RNF180: variants seen among roughly 807,000 people sequenced by gnomAD.
RNF180 encodes the protein E3 ubiquitin-protein ligase RNF180.
Under a neutral mutation model 59.2 loss-of-function variants are expected in RNF180, and 38 were observed. The observed-to-expected ratio is 0.64, with a 90% CI of 0.50 to 0.84. RNF180 has a LOEUF of 0.84. RNF180 is among the 40% of genes least tolerant of loss of function. RNF180 has a pLI of 0.00. For synonymous variants in RNF180, 262 were observed against 240.3 expected, an observed-to-expected ratio of 1.09 and a Z score of -0.84; for missense variants, 705 against 700.9, an observed-to-expected ratio of 1.01 and a Z score of -0.07.
At chr5:64,310,401 G>A (rs754850466) in intron 5 of RNF180, among the ~76,000 whole-genome samples, 5 of 151,124 alleles carry the variant, frequency 3.3e-5, no homozygotes, top group Non-Finnish European at 4.4e-5. Context: ...TTTACCAAAT[G>A]TTTTGTCATT....
chr5:64,275,098 C>T (rs1164087399), intron 5 of RNF180, among the ~76,000 whole-genome samples: 1 of 151,570 alleles, frequency 6.6e-6, no homozygotes, highest in East Asian at 2.0e-4. Context: ...TCTTTTGACA[C>T]AACAATGACA....
chr5:64,352,314 T>C (rs1445170709), intron 7 of RNF180, among the ~76,000 whole-genome samples: 1 of 152,120 alleles, frequency 6.6e-6, no homozygotes, highest in African/African-American at 2.4e-5. Flanking sequence ...TTAGTCTTGC[T>C]AGCAGTCTAT....
intron 5 of RNF180, among the ~76,000 whole-genome samples, chr5:64,269,323 GAA>G (rs949237168): frequency 6.6e-6 from 1 of 152,026 alleles, no homozygotes; most frequent in Non-Finnish European, 1.5e-5. Context: ...CTGCAGCCTC[GAA>G]CTCCTGGGCC....
At position 64,174,959 on chromosome 5, in the gene RNF180, C is replaced by CTTTTTTTTTTTT. The variant is rs370660214; in HGVS notation, c.-1+9021_-1+9032dup. On this transcript the variant is annotated intron_variant, in intron 1 of 7. Coordinates refer to ENST00000389100, the MANE Select transcript of RNF180 (RefSeq NM_001113561.2). ...TTACATTTAAGTCTTTAATCCAGTT[C>CTTTTTTTTTTTT]TTTTTTTTTTTTTTTTTTTTTTTTT... Among the ~76,000 whole-genome samples the CTTTTTTTTTTTT allele has an allele frequency of 1.1e-4, 9 of 84,756 alleles. 2 individuals are homozygous for CTTTTTTTTTTTT. The highest frequency in any genetic ancestry group is 4.4e-4 in the African/African-American group (9 of 20,260). 55.6% of individuals were successfully genotyped at this position (84,756 alleles called of 152,430 possible). A position where few individuals can be genotyped will look rare whatever the true frequency, so the allele number is the denominator to read the frequency against.
intron 5 of RNF180, among the ~76,000 whole-genome samples, chr5:64,311,045 T>C (rs1458581977): frequency 6.6e-6 from 1 of 151,868 alleles, no homozygotes; most frequent in African/African-American, 2.4e-5. Context: ...AAGAAGAATT[T>C]CATGGTAGAA....
At chr5:64,215,255 CT>C (rs955564438) in intron 4 of RNF180, among the ~76,000 whole-genome samples, 14 of 149,152 alleles carry the variant, frequency 9.4e-5, no homozygotes, top group Non-Finnish European at 1.3e-4. Flanking sequence ...TCTGAATAAA[CT>C]TTTTTTTTTG....
rs1743574077 is a variant in RNF180, at chr5:64,251,479, T to C, written c.1227+34083T>C. Among the ~76,000 whole-genome samples, 3 of 152,338 alleles carry C rather than the reference T, an allele frequency of 2.0e-5. No homozygotes were observed. The South Asian group carries it at 6.2e-4, about 32-fold the overall frequency. ...TAGGGTCTCATTCTGTTACCCAGGC[T>C]GGTGCCATCATTAGCTCACTGCAGC... is the stretch of plus-strand genomic sequence containing the variant. On this transcript the variant is annotated intron_variant, in intron 5 of 7. Transcript: ENST00000389100.
intron 5 of RNF180, among the ~76,000 whole-genome samples, chr5:64,304,524 A>G (rs548765435): frequency 3.5e-4 from 53 of 151,644 alleles, no homozygotes; most frequent in Non-Finnish European, 6.2e-4. Flanking sequence ...TCAAAACCTC[A>G]GTGGAGAAAG....
intron 5 of RNF180, among the ~76,000 whole-genome samples, chr5:64,229,364 C>T (rs1164893289): frequency 6.6e-6 from 1 of 152,168 alleles, no homozygotes; most frequent in Non-Finnish European, 1.5e-5. Context: ...TTTTTCAACA[C>T]TAGAGGGCAC....
chr5:64,296,000 T>G (rs1742864204), intron 5 of RNF180, among the ~76,000 whole-genome samples: 1 of 152,204 alleles, frequency 6.6e-6, no homozygotes, highest in South Asian at 2.1e-4. Context: ...ATTGTTTTGC[T>G]CTGCCAGTAG....
chr5:64,270,121 G>C (rs986304590), intron 5 of RNF180, among the ~76,000 whole-genome samples: 1 of 151,900 alleles, frequency 6.6e-6, no homozygotes, highest in Non-Finnish European at 1.5e-5. Flanking sequence ...TCTTTTCATA[G>C]AATATTTCAT....
At chr5:64,300,326 T>TAG (rs931571471) in intron 5 of RNF180, among the ~76,000 whole-genome samples, 1 of 151,840 alleles carries the variant, frequency 6.6e-6, no homozygotes, top group Non-Finnish European at 1.5e-5. Flanking sequence ...CTTAAGTACT[T>TAG]CCACAGACAG....
intron 1 of RNF180, among the ~76,000 whole-genome samples, chr5:64,193,908 C>T (rs1375465638): frequency 6.6e-6 from 1 of 152,130 alleles, no homozygotes; most frequent in East Asian, 1.9e-4. Flanking sequence ...CCATATTGGG[C>T]ACCCTTTACC....
chr5:64,260,893 A>G lies in RNF180; in HGVS notation c.1227+43497A>G, dbSNP rs1463924479. On this transcript the variant is annotated intron_variant, in intron 5 of 7. Transcript: ENST00000389100. ...TAAGTACTATTGTTTATATTGTTGT[A>G]TGTTCTTTCCGTCATGAACAAATCA... Among the ~76,000 whole-genome samples the G allele has an allele frequency of 3.3e-5, 5 of 150,086 alleles. No individual in the cohort carries two copies. In the East Asian group the frequency reaches 7.8e-4, roughly 24 times the overall value.
intron 7 of RNF180, among the ~76,000 whole-genome samples, chr5:64,345,312 G>A (rs1012276179): frequency 2.0e-5 from 3 of 152,108 alleles, no homozygotes; most frequent in Admixed American, 2.0e-4. Flanking sequence ...GTCCGTATAT[G>A]GCACTCTATG....
rs143818352 is a variant in RNF180 at position 64,353,740 on chromosome 5, T to C, written c.1580-15875T>C. On this transcript the variant is annotated intron_variant, in intron 7 of 7. Coordinates refer to ENST00000389100, the MANE Select transcript of RNF180 (RefSeq NM_001113561.2). ...CGTAGTACCACAAAGTAAGTCTTGA[T>C]ACATTTTAAAAGATTGAAGCAATAC... 3.4e-3 allele frequency among the ~76,000 whole-genome samples: 515 copies of C among 151,946 alleles called. 11 individuals are homozygous for C. Among genetic ancestry groups the C allele is most frequent in the Admixed American group, 0.03 (456 of 15,212 alleles).
At chr5:64,361,285 C>G (rs1380591669) in intron 7 of RNF180, among the ~76,000 whole-genome samples, 3 of 136,544 alleles carry the variant, frequency 2.2e-5, no homozygotes, top group Admixed American at 2.0e-4. Flanking sequence ...GTATTAAAGA[C>G]ATATGGAATT....
intron 4 of RNF180, among the ~76,000 whole-genome samples, chr5:64,214,919 A>G (rs1400487261): frequency 6.6e-6 from 1 of 151,812 alleles, no homozygotes; most frequent in Non-Finnish European, 1.5e-5. Context: ...AAATTCAATC[A>G]GGTGACAAAG....
At chr5:64,353,997 T>G (rs184485340) in intron 7 of RNF180, among the ~76,000 whole-genome samples, 216 of 151,752 alleles carry the variant, frequency 1.4e-3, no homozygotes, top group Admixed American at 5.3e-3. Context: ...GGGAATTTTA[T>G]AGCAGTAAAT....
Sources: gnomAD v4.1 joint callset for allele counts (sites outside exome capture counted in the v4.1 genomes callset) on GRCh38, gnomAD v4.1.1 for gene constraint, MANE v1.5 for transcripts, NCBI Gene and HGNC (gene_info 2026-07-23, HGNC 2026-07-21) for gene names.